NYAP2: variants seen among roughly 807,000 people sequenced by gnomAD.
NYAP2 encodes the protein neuronal tyrosine-phosphorylated phosphoinositide-3-kinase adaptor 2, also known as neuronal tyrosine-phosphorylated phosphoinositide-3-kinase adapter 2.
A neutral mutation model predicts 50.4 loss-of-function variants in NYAP2; 23 were observed. The ratio of observed to expected loss-of-function variants is 0.46; its 90% CI spans 0.33 to 0.65. NYAP2 has a LOEUF of 0.65. NYAP2 is among the 30% of genes least tolerant of loss of function. NYAP2 has a pLI of 0.02. For synonymous variants in NYAP2, 394 were observed against 365.2 expected, an observed-to-expected ratio of 1.08 and a Z score of -0.90; for missense variants, 885 against 861.0, an observed-to-expected ratio of 1.03 and a Z score of -0.35.
At chr2:225,493,843 G>A (rs1233408135) in intron 3 of NYAP2, among the ~76,000 whole-genome samples, 1 of 152,222 alleles carries the variant, frequency 6.6e-6, no homozygotes, top group Non-Finnish European at 1.5e-5. Context: ...AGCTACCAAT[G>A]TGAAGTCACG....
At chr2:225,575,572 T>A (rs965784005) in intron 4 of NYAP2, among the ~76,000 whole-genome samples, 5 of 152,172 alleles carry the variant, frequency 3.3e-5, no homozygotes, top group Admixed American at 6.5e-5. Flanking sequence ...TCATTATTGA[T>A]TCCATTTCTT....
chr2:225,631,228 A>G (rs143302454), intron 6 of NYAP2, among the ~76,000 whole-genome samples: 112 of 152,332 alleles, frequency 7.4e-4, no homozygotes, highest in African/African-American at 2.5e-3. Context: ...TTTGATATGA[A>G]TATTCTAATA....
chr2:225,405,878 C>T (rs1694932781), intron 2 of NYAP2, among the ~76,000 whole-genome samples: 1 of 151,984 alleles, frequency 6.6e-6, no homozygotes, highest in Non-Finnish European at 1.5e-5. Flanking sequence ...TACACATTTA[C>T]ACATGCAATT....
chr2:225,674,445 T>G, the NYAP2 span, among the ~76,000 whole-genome samples: 1 of 152,092 alleles, frequency 6.6e-6, no homozygotes, highest in Non-Finnish European at 1.5e-5. Context: ...TTGGAAAAAT[T>G]GACAAGGAAT....
chr2:225,440,174 C>T (rs1689447285), intron 3 of NYAP2, among the ~76,000 whole-genome samples: 1 of 152,168 alleles, frequency 6.6e-6, no homozygotes, highest in African/African-American at 2.4e-5. Flanking sequence ...TATCAAACAG[C>T]CATTTTTTTA....
chr2:225,518,595 T>G, intron 4 of NYAP2, among the ~76,000 whole-genome samples: 1 of 141,520 alleles, frequency 7.1e-6, no homozygotes, highest in Non-Finnish European at 1.5e-5. Flanking sequence ...TATATATATA[T>G]ATATATATAT....
chr2:225,544,862 A>G (rs1385387572), intron 4 of NYAP2, among the ~76,000 whole-genome samples: 1 of 152,172 alleles, frequency 6.6e-6, no homozygotes, highest in Non-Finnish European at 1.5e-5. Context: ...TTCTTGTAGG[A>G]CAGGTCTGGT....
intron 4 of NYAP2, among the ~76,000 whole-genome samples, chr2:225,544,593 T>A (rs909353680): frequency 6.6e-6 from 1 of 152,110 alleles, no homozygotes. Flanking sequence ...TCGTCTCCTA[T>A]TTTTTAACAT....
intron 3 of NYAP2, among the ~76,000 whole-genome samples, chr2:225,437,092 A>G (rs1313378595): frequency 6.6e-6 from 1 of 151,926 alleles, no homozygotes. Context: ...ATATATATAT[A>G]TGTATATATA....
chr2:225,554,557 C>T (rs1691740869), intron 4 of NYAP2, among the ~76,000 whole-genome samples: 1 of 151,868 alleles, frequency 6.6e-6, no homozygotes, highest in South Asian at 2.1e-4. Context: ...CTCCTGACCT[C>T]ATGATCTGCC....
At chr2:225,435,098 C>T (rs748294307) in intron 3 of NYAP2, among the ~76,000 whole-genome samples, 1 of 152,062 alleles carries the variant, frequency 6.6e-6, no homozygotes, top group African/African-American at 2.4e-5. Context: ...CCTTATTGGC[C>T]TTTTATAAAC....
intron 5 of NYAP2, among the ~76,000 whole-genome samples, chr2:225,612,240 C>T (rs1276597181): frequency 6.6e-6 from 1 of 151,018 alleles, no homozygotes; most frequent in Non-Finnish European, 1.5e-5. Flanking sequence ...TTATACCACT[C>T]TTCCTGTTTA....
At chr2:225,533,228 T>C (rs1435010450) in intron 4 of NYAP2, among the ~76,000 whole-genome samples, 1 of 152,230 alleles carries the variant, frequency 6.6e-6, no homozygotes, top group Non-Finnish European at 1.5e-5. Flanking sequence ...ATAAAAATGC[T>C]CTTATGTCTC....
intron 4 of NYAP2, among the ~76,000 whole-genome samples, chr2:225,541,501 C>A (rs558536554): frequency 2.0e-5 from 3 of 152,260 alleles, no homozygotes; most frequent in South Asian, 4.1e-4. Context: ...TTTCATTCTT[C>A]TGCATATGGA....
intron 3 of NYAP2, among the ~76,000 whole-genome samples, chr2:225,509,019 G>A (rs1320270264): frequency 1.3e-5 from 2 of 152,154 alleles, no homozygotes; most frequent in African/African-American, 4.8e-5. Flanking sequence ...ACTTGGAAGG[G>A]TGCAGTTAGT....
chr2:225,601,123 GTT>G (rs71410364), intron 5 of NYAP2, among the ~76,000 whole-genome samples: 43,754 of 136,574 alleles, frequency 0.32, 7,192 homozygotes, highest in African/African-American at 0.5. Flanking sequence ...CTGTGTTTAA[GTT>G]TTTTTTTTTT....
intron 3 of NYAP2, among the ~76,000 whole-genome samples, chr2:225,512,745 G>A (rs758117651): frequency 3.2e-4 from 31 of 96,224 alleles, no homozygotes; most frequent in Non-Finnish European, 4.6e-4. Flanking sequence ...TCCTTTTTTC[G>A]TTTTTCTTTC....
the NYAP2 span, among the ~76,000 whole-genome samples, chr2:225,682,090 G>A: frequency 6.6e-6 from 1 of 152,136 alleles, no homozygotes; most frequent in African/African-American, 2.4e-5. Context: ...ATCATTGTGA[G>A]CATGATCTTG....
chr2:225,506,284 TG>T (rs1311953820), intron 3 of NYAP2, among the ~76,000 whole-genome samples: 1 of 152,160 alleles, frequency 6.6e-6, no homozygotes, highest in African/African-American at 2.4e-5. Flanking sequence ...TTCATGAATC[TG>T]GGGGTAAGTG....
Sources: gnomAD v4.1 joint callset for allele counts (sites outside exome capture counted in the v4.1 genomes callset) on GRCh38, gnomAD v4.1.1 for gene constraint, MANE v1.5 for transcripts, NCBI Gene and HGNC (gene_info 2026-07-23, HGNC 2026-07-21) for gene names.